The following BEND7 variants were observed in gnomAD, a reference collection of about 807,000 sequenced individuals.
The protein encoded by BEND7 is BEN domain-containing protein 7.
BEND7 carries 28 observed loss-of-function variants against 50.9 expected under a neutral mutation model. The observed-to-expected ratio is 0.55, with a 90% CI of 0.41 to 0.75. The LOEUF (loss-of-function observed/expected upper bound fraction) is 0.75. Ranked by LOEUF, BEND7 falls within the 30% of genes least tolerant of loss-of-function variation. BEND7 has a pLI of 0.00. For synonymous variants in BEND7, 170 were observed against 183.9 expected, an observed-to-expected ratio of 0.92 and a Z score of 0.61; for missense variants, 477 against 491.3, an observed-to-expected ratio of 0.97 and a Z score of 0.28.
chr10:13,461,648 G>T lies in BEND7; in HGVS notation c.1064-8990C>A, dbSNP rs763341022. Among the ~76,000 whole-genome samples, 4 of 152,044 alleles carry T rather than the reference G, an allele frequency of 2.6e-5. No homozygotes were observed. In the East Asian group the frequency reaches 5.8e-4, roughly 22 times the overall value. On this transcript the variant is annotated intron_variant, in intron 6 of 8. Coordinates refer to ENST00000466271, the MANE Select transcript of BEND7 (RefSeq NM_001369863.1). ...CTTGGGAGGCTGAGGCAGGAAAATC[G>T]CTTGAACCTGGGAGGCAGAGGTTGC...
rs1008071213 is a variant in BEND7 at position 13,528,536 on chromosome 10, T to A, written c.-3A>T. 17 of 1,030,418 alleles carry A rather than the reference T, an allele frequency of 1.6e-5. No homozygotes were observed. The highest frequency in any genetic ancestry group is 1.7e-5 in the Non-Finnish European group (15 of 859,400). The allele number at this position is 1,030,418 out of a possible 1,614,324, so 63.8% of individuals were successfully genotyped here. A position where few individuals can be genotyped will look rare whatever the true frequency, so the allele number is the denominator to read the frequency against. On this transcript the variant is annotated 5_prime_UTR_variant, in exon 1 of 9. Transcript: ENST00000466271. ...CTTTTCCTCTCGGAGAACTCCATGG[T>A]GCGGGGAAGGCGGCGGCGGGGGCTG... is the stretch of plus-strand genomic sequence containing the variant.
intron 2 of BEND7, among the ~76,000 whole-genome samples, chr10:13,523,374 G>A (rs1037349164): frequency 6.6e-6 from 1 of 152,208 alleles, no homozygotes; most frequent in African/African-American, 2.4e-5. Context: ...GATACACTAC[G>A]TTCGTTAACA....
intron 3 of BEND7, among the ~76,000 whole-genome samples, chr10:13,499,326 C>G (rs985619148): frequency 6.6e-6 from 1 of 151,792 alleles, no homozygotes; most frequent in East Asian, 1.9e-4. Context: ...GGCCCCCCAC[C>G]CCTGTCCGCC....
chr10:13,512,143 T>G (rs141211424), intron 2 of BEND7, among the ~76,000 whole-genome samples: 35 of 152,232 alleles, frequency 2.3e-4, no homozygotes, highest in African/African-American at 8.2e-4. Flanking sequence ...AGTTGGAAAT[T>G]TGTACTTGGG....
chr10:13,441,613 T>C lies in BEND7; in HGVS notation c.*130A>G. 5 of 1,546,002 alleles carry C rather than the reference T, an allele frequency of 3.2e-6. No homozygotes were observed. The highest frequency in any genetic ancestry group is 1.3e-5 in the South Asian group (1 of 79,844). ...TTGACCAGCAACATACTCATCCTAT[T>C]TTAACACGGCGAAAGGTCACCAATT... On this transcript the variant is annotated 3_prime_UTR_variant, in exon 9 of 9. Coordinates refer to ENST00000466271, the MANE Select transcript of BEND7 (RefSeq NM_001369863.1).
intron 6 of BEND7, among the ~76,000 whole-genome samples, chr10:13,463,864 A>C (rs117394737): frequency 9.8e-5 from 15 of 152,366 alleles, no homozygotes; most frequent in Non-Finnish European, 1.9e-4. Flanking sequence ...GAGAAGAACC[A>C]TCTAGTGGAA....
chr10:13,514,459 G>A (rs1339330248), intron 2 of BEND7, among the ~76,000 whole-genome samples: 1 of 152,152 alleles, frequency 6.6e-6, no homozygotes, highest in Non-Finnish European at 1.5e-5. Flanking sequence ...AGCCTTCCCC[G>A]AGGGACATGT....
At chr10:13,511,611 C>T (rs1180791063) in intron 2 of BEND7, among the ~76,000 whole-genome samples, 1 of 152,108 alleles carries the variant, frequency 6.6e-6, no homozygotes, top group Non-Finnish European at 1.5e-5. Flanking sequence ...GGAATACATG[C>T]TAAGGCCACT....
chr10:13,523,674 A>C (rs1347610869), intron 2 of BEND7, among the ~76,000 whole-genome samples: 1 of 152,246 alleles, frequency 6.6e-6, no homozygotes, highest in Non-Finnish European at 1.5e-5. Flanking sequence ...TTATAAAATA[A>C]ACATAATTGA....
In BEND7 at chr10:13,482,504, T is replaced by G. The variant is rs181161621; in HGVS notation, c.838-1380A>C. Reference sequence around the variant, plus strand: ...CTCTCCTGGATAGTAAGAATGATTATTTTTGATTTTGTCCTATCACTTTTC... The same window carrying G: ...CTCTCCTGGATAGTAAGAATGATTAGTTTTGATTTTGTCCTATCACTTTTC... On this transcript the variant is annotated intron_variant, in intron 5 of 8. Coordinates refer to ENST00000466271, the MANE Select transcript of BEND7 (RefSeq NM_001369863.1). Among the ~76,000 whole-genome samples the G allele has an allele frequency of 7.2e-5, 11 of 152,312 alleles. No homozygotes were observed. In the East Asian group the frequency reaches 2.1e-3, roughly 29 times the overall value.
At chr10:13,499,457 G>C (rs2077277942) in intron 3 of BEND7, among the ~76,000 whole-genome samples, 1 of 152,026 alleles carries the variant, frequency 6.6e-6, no homozygotes, top group South Asian at 2.1e-4. Flanking sequence ...AGCTCTTTCT[G>C]CCCTAATGTT....
At chr10:13,440,153 C>A (rs867497462), downstream of BEND7, among the ~76,000 whole-genome samples, 1 of 152,210 alleles carries the variant, frequency 6.6e-6, no homozygotes, top group African/African-American at 2.4e-5. Flanking sequence ...GAAATGGGGT[C>A]CCCTGGCCAT....
chr10:13,441,848 A>G (rs1170836952), intron 8 of BEND7, 98 bp from the exon 9 acceptor site: 1 of 1,251,158 alleles, frequency 8.0e-7, no homozygotes, highest in East Asian at 2.4e-5. Context: ...TAATTTCTCC[A>G]AACCTTCCTT....
chr10:13,526,842 G>C (rs369003285), intron 1 of BEND7, among the ~76,000 whole-genome samples: 235 of 152,250 alleles, frequency 1.5e-3, no homozygotes, highest in African/African-American at 5.4e-3. Context: ...CAGAGAAAGA[G>C]AAGAATCAGA....
chr10:13,494,549 T>G (rs1588940855), intron 4 of BEND7, among the ~76,000 whole-genome samples: 3 of 152,378 alleles, frequency 2.0e-5, no homozygotes, highest in Admixed American at 2.0e-4. Flanking sequence ...GATTCTGCTG[T>G]GCAGCCAGAG....
intron 2 of BEND7, among the ~76,000 whole-genome samples, chr10:13,517,710 C>A (rs1272795305): frequency 1.3e-5 from 2 of 152,180 alleles, no homozygotes; most frequent in Non-Finnish European, 2.9e-5. Context: ...CACCACTGCA[C>A]TCCAGCCAGG....
intron 5 of BEND7, 92 bp from the exon 6 acceptor site, chr10:13,481,216 G>A: frequency 5.2e-6 from 6 of 1,150,834 alleles, no homozygotes; most frequent in Non-Finnish European, 7.5e-6. Flanking sequence ...ACTAGCTACT[G>A]AAATGTACAT....
chr10:13,453,330 T>TCA (rs1564515566), intron 6 of BEND7, among the ~76,000 whole-genome samples: 3 of 152,286 alleles, frequency 2.0e-5, no homozygotes, highest in African/African-American at 7.2e-5. Context: ...CATTTCCACC[T>TCA]CACACACACT....
At chr10:13,456,024 C>G (rs1423811596) in intron 6 of BEND7, among the ~76,000 whole-genome samples, 1 of 152,150 alleles carries the variant, frequency 6.6e-6, no homozygotes, top group Non-Finnish European at 1.5e-5. Context: ...CTGGTCTAGG[C>G]TCAGGGTTTT....
Sources: gnomAD v4.1 joint callset for allele counts (sites outside exome capture counted in the v4.1 genomes callset) on GRCh38, gnomAD v4.1.1 for gene constraint, MANE v1.5 for transcripts, NCBI Gene and HGNC (gene_info 2026-07-23, HGNC 2026-07-21) for gene names.